NRXN3: variants seen among roughly 807,000 people sequenced by gnomAD.
The protein encoded by NRXN3 is neurexin 3, also known as neurexin III.
A neutral mutation model predicts 137.6 loss-of-function variants in NRXN3; 32 were observed. The observed-to-expected ratio is 0.23, with a 90% confidence interval of 0.18 to 0.31. The LOEUF (loss-of-function observed/expected upper bound fraction) is 0.31. Among genes scored for constraint, NRXN3 ranks in the 10% least tolerant of loss-of-function variants. NRXN3 has a pLI of 1.00. For missense variants in NRXN3, 1,574 were observed against 2,062.5 expected, an observed-to-expected ratio of 0.76 and a Z score of 4.59; for synonymous variants, 798 against 784.5, an observed-to-expected ratio of 1.02 and a Z score of -0.29.
intron 15 of NRXN3, among the ~76,000 whole-genome samples, chr14:79,350,811 C>T (rs1316102304): frequency 1.3e-5 from 2 of 152,152 alleles, no homozygotes; most frequent in East Asian, 1.9e-4. Context: ...GCCTTTTATG[C>T]AGTCCTACTG....
At chr14:79,700,979 G>A (rs2098752452) in intron 19 of NRXN3, among the ~76,000 whole-genome samples, 1 of 152,032 alleles carries the variant, frequency 6.6e-6, no homozygotes, top group African/African-American at 2.4e-5. Context: ...TAAAGGCCTG[G>A]CACTTCATAG....
intron 10 of NRXN3, among the ~76,000 whole-genome samples, chr14:78,879,947 T>C (rs1045001940): frequency 6.6e-6 from 1 of 152,028 alleles, no homozygotes; most frequent in Non-Finnish European, 1.5e-5. Flanking sequence ...GGGGTAATAA[T>C]ATAAGAATTG....
At chr14:79,399,538 G>T (rs35236866) in intron 15 of NRXN3, among the ~76,000 whole-genome samples, 53,234 of 151,892 alleles carry the variant, frequency 0.35, 9,594 homozygotes, top group Admixed American at 0.4. Context: ...GACTCCAGGG[G>T]TCTACAAACG....
chr14:78,206,348 C>T (rs897185376), intron 1 of NRXN3, among the ~76,000 whole-genome samples: 8 of 152,120 alleles, frequency 5.3e-5, no homozygotes, highest in Non-Finnish European at 1.2e-4. Context: ...AAATGGTGTT[C>T]GTGTTTTCTT....
intron 6 of NRXN3, among the ~76,000 whole-genome samples, chr14:78,658,104 G>A (rs550372103): frequency 6.6e-6 from 1 of 152,290 alleles, no homozygotes; most frequent in Non-Finnish European, 1.5e-5. Flanking sequence ...TTAGGTCATA[G>A]CTTTGGGCCT....
chr14:79,073,361 T>C (rs1448906985), intron 15 of NRXN3, among the ~76,000 whole-genome samples: 3 of 152,200 alleles, frequency 2.0e-5, no homozygotes, highest in Non-Finnish European at 4.4e-5. Context: ...ATATTGCCTT[T>C]ACCTATTTCC....
intron 4 of NRXN3, among the ~76,000 whole-genome samples, chr14:78,355,830 G>A (rs1231548273): frequency 6.6e-6 from 1 of 152,206 alleles, no homozygotes; most frequent in African/African-American, 2.4e-5. Flanking sequence ...TGATTGGTTA[G>A]GAGAGTTGAG....
intron 15 of NRXN3, among the ~76,000 whole-genome samples, chr14:79,284,686 G>A (rs2081961131): frequency 6.6e-6 from 1 of 152,122 alleles, no homozygotes; most frequent in Non-Finnish European, 1.5e-5. Context: ...AGAAGTGGTG[G>A]TGATGGGCCC....
chr14:79,181,575 G>A (rs1263464979), intron 15 of NRXN3, among the ~76,000 whole-genome samples: 1 of 151,686 alleles, frequency 6.6e-6, no homozygotes, highest in Admixed American at 6.6e-5. Flanking sequence ...CAGCTACTTG[G>A]GAGGCTGAAA....
At chr14:79,637,941 G>T (rs1430470847) in intron 16 of NRXN3, among the ~76,000 whole-genome samples, 3 of 151,234 alleles carry the variant, frequency 2.0e-5, no homozygotes, top group Admixed American at 6.6e-5. Flanking sequence ...TGTTAGCCAG[G>T]CTGGTCTTGA....
At chr14:79,439,928 T>TA (rs1197809731) in intron 15 of NRXN3, among the ~76,000 whole-genome samples, 2 of 152,238 alleles carry the variant, frequency 1.3e-5, no homozygotes, top group Non-Finnish European at 2.9e-5. Flanking sequence ...TGTGGGCTCT[T>TA]ATGCTGGTTC....
chr14:79,176,905 A>G (rs947573473), intron 15 of NRXN3, among the ~76,000 whole-genome samples: 5 of 152,196 alleles, frequency 3.3e-5, no homozygotes, highest in East Asian at 3.9e-4. Context: ...CAGGATCCCT[A>G]TCACAGTCTT....
At chr14:79,067,737 C>T (rs1054495153) in intron 15 of NRXN3, among the ~76,000 whole-genome samples, 4 of 152,078 alleles carry the variant, frequency 2.6e-5, no homozygotes, top group African/African-American at 7.2e-5. Context: ...AGTCTAATGA[C>T]CTCATTTTAA....
intron 16 of NRXN3, among the ~76,000 whole-genome samples, chr14:79,544,258 A>G (rs753817894): frequency 3.9e-5 from 6 of 152,222 alleles, no homozygotes; most frequent in African/African-American, 7.2e-5. Flanking sequence ...GCACAATACT[A>G]GGTACACAAA....
At chr14:79,083,843 C>T (rs2047547661) in intron 15 of NRXN3, among the ~76,000 whole-genome samples, 1 of 152,106 alleles carries the variant, frequency 6.6e-6, no homozygotes, top group South Asian at 2.1e-4. Context: ...ACTATCTGAG[C>T]TAAGTTTTGT....
intron 15 of NRXN3, among the ~76,000 whole-genome samples, chr14:79,401,139 A>G (rs1203237027): frequency 6.6e-6 from 1 of 152,196 alleles, no homozygotes; most frequent in Admixed American, 6.5e-5. Context: ...TTACAGGCCA[A>G]ATTTTACCCA....
chr14:79,518,447 A>T (rs1245777705), intron 16 of NRXN3, among the ~76,000 whole-genome samples: 2 of 152,010 alleles, frequency 1.3e-5, no homozygotes, highest in Non-Finnish European at 2.9e-5. Context: ...TTTATCTCTA[A>T]AAGTTTTTTC....
intron 8 of NRXN3, among the ~76,000 whole-genome samples, chr14:78,789,791 C>T (rs535498648): frequency 1.3e-5 from 2 of 152,122 alleles, no homozygotes; most frequent in Non-Finnish European, 2.9e-5. Context: ...TCTCTTTGCT[C>T]TTTACTCTTA....
intron 15 of NRXN3, among the ~76,000 whole-genome samples, chr14:79,120,756 A>G (rs1423350605): frequency 1.3e-5 from 2 of 152,148 alleles, no homozygotes; most frequent in Non-Finnish European, 2.9e-5. Flanking sequence ...TTAAATAACT[A>G]AAGAAACCGT....
Sources: allele counts gnomAD v4.1 joint callset (sites outside exome capture counted in the v4.1 genomes callset), GRCh38; gene constraint gnomAD v4.1.1; transcripts MANE v1.5; gene names NCBI Gene and HGNC (gene_info 2026-07-23, HGNC 2026-07-21).